Variants in TLK1 observed in about 807,000 individuals in gnomAD.
TLK1 encodes tousled like kinase 1, also known as serine/threonine-protein kinase tousled-like 1.
TLK1 carries 24 observed loss-of-function variants against 105.3 expected under a neutral mutation model. That is an observed-to-expected ratio of 0.23 (90% CI 0.17 to 0.32). The LOEUF (loss-of-function observed/expected upper bound fraction) is 0.32, where lower values mean the gene tolerates loss of function less well. Among genes scored for constraint, TLK1 ranks in the 10% least tolerant of loss-of-function variants. TLK1 has a pLI of 1.00. For synonymous variants in TLK1, 321 were observed against 310.4 expected (o/e 1.03, Z -0.36); for missense variants, 558 against 910.5 (o/e 0.61, Z 4.98).
chr2:171,115,452 C>T (rs993794218), intron 2 of TLK1, among the ~76,000 whole-genome samples: 4 of 152,020 alleles, frequency 2.6e-5, no homozygotes, highest in Non-Finnish European at 4.4e-5. Flanking sequence ...GGATTACAGG[C>T]GTGAGCAACC....
intron 1 of TLK1, among the ~76,000 whole-genome samples, chr2:171,213,869 C>T (rs1693664695): frequency 6.8e-6 from 1 of 147,792 alleles, no homozygotes; most frequent in South Asian, 2.2e-4. Context: ...ACTACAGGCA[C>T]ATGCCACCAT....
chr2:171,221,928 G>A (rs1246997837), intron 1 of TLK1, among the ~76,000 whole-genome samples: 1 of 152,284 alleles, frequency 6.6e-6, no homozygotes, highest in South Asian at 2.1e-4. Flanking sequence ...GGGGGGTTAG[G>A]GCGTCAGCAT....
chr2:171,211,805 C>T (rs907291128), intron 1 of TLK1, among the ~76,000 whole-genome samples: 10 of 151,620 alleles, frequency 6.6e-5, no homozygotes, highest in African/African-American at 2.4e-4. Context: ...GCCTCGGCCT[C>T]CCAAAGTGCT....
At chr2:171,085,458 T>C (rs1217317797) in intron 2 of TLK1, among the ~76,000 whole-genome samples, 2 of 152,110 alleles carry the variant, frequency 1.3e-5, no homozygotes, top group African/African-American at 4.8e-5. Flanking sequence ...CAGTTGTTGT[T>C]TTTTAAATGT....
intron 1 of TLK1, among the ~76,000 whole-genome samples, chr2:171,214,558 T>G (rs1483528467): frequency 6.6e-6 from 1 of 152,202 alleles, no homozygotes; most frequent in Non-Finnish European, 1.5e-5. Flanking sequence ...AGAGTCGCCT[T>G]GAGGGCTTGT....
At chr2:171,031,347 A>C (rs982584804) in intron 11 of TLK1, among the ~76,000 whole-genome samples, 4 of 152,252 alleles carry the variant, frequency 2.6e-5, no homozygotes, top group African/African-American at 9.6e-5. Context: ...TTAAAGAAAC[A>C]GGATTTTAGA....
rs1457249327 is a variant in TLK1, at chr2:171,061,176, A to G, written c.331-20T>C. On this transcript the variant is annotated intron_variant, in intron 3 of 20. Coordinates refer to ENST00000431350, the MANE Select transcript of TLK1 (RefSeq NM_012290.5). ...CGGTGTCTACAGAAAACAAGATAAC[A>G]GATTTTTAAATGACAGTTTTAATAT... The G allele has an allele frequency of 1.2e-6, 2 of 1,610,504 alleles. No individual in the cohort carries two copies. Among genetic ancestry groups the G allele is most frequent in the Non-Finnish European group, 8.5e-7 (1 of 1,178,258 alleles).
chr2:171,165,777 G>GA (rs1356408381), upstream of TLK1, among the ~76,000 whole-genome samples: 3 of 152,182 alleles, frequency 2.0e-5, no homozygotes, highest in African/African-American at 7.2e-5. Flanking sequence ...CAGGCATGGT[G>GA]GCGCACACCT....
chr2:171,090,542 C>T (rs897587072), intron 2 of TLK1, among the ~76,000 whole-genome samples: 1 of 152,154 alleles, frequency 6.6e-6, no homozygotes, highest in Non-Finnish European at 1.5e-5. Context: ...AACTACTTAT[C>T]GCCTATGCTA....
chr2:171,074,065 A>G (rs1688387027), intron 3 of TLK1, among the ~76,000 whole-genome samples: 1 of 151,702 alleles, frequency 6.6e-6, no homozygotes, highest in South Asian at 2.1e-4. Context: ...TAATTTTTGT[A>G]TTTTTAGTAG....
At chr2:171,162,665 TTCC>T (rs1394496467), upstream of TLK1, among the ~76,000 whole-genome samples, 3 of 152,250 alleles carry the variant, frequency 2.0e-5, no homozygotes, top group African/African-American at 7.2e-5. Context: ...CTCTTTGTGG[TTCC>T]TCCTCCACAC....
At chr2:171,018,172 G>A (rs926695888) in intron 12 of TLK1, among the ~76,000 whole-genome samples, 1 of 152,146 alleles carries the variant, frequency 6.6e-6, no homozygotes, top group Admixed American at 6.5e-5. Context: ...TGAGAAGAAA[G>A]GTTCCCCCAC....
intron 3 of TLK1, among the ~76,000 whole-genome samples, chr2:171,080,032 A>T (rs34143031): frequency 0.21 from 31,370 of 151,152 alleles, 3,824 homozygotes; most frequent in Non-Finnish European, 0.28. Flanking sequence ...ATTTTTTTTA[A>T]AAAAAAAGTA....
chr2:171,038,772 A>G (rs571235005), intron 11 of TLK1, among the ~76,000 whole-genome samples: 27 of 152,262 alleles, frequency 1.8e-4, no homozygotes, highest in African/African-American at 6.0e-4. Context: ...TTTATAGTCA[A>G]TATTTTTAAA....
At chr2:171,103,909 G>C (rs1460436962) in intron 2 of TLK1, among the ~76,000 whole-genome samples, 3 of 152,126 alleles carry the variant, frequency 2.0e-5, no homozygotes, top group East Asian at 1.9e-4. Context: ...GATAAATTCA[G>C]TAAAGGTGCA....
chr2:171,220,065 T>C (rs1244828456), intron 1 of TLK1, among the ~76,000 whole-genome samples: 2 of 152,204 alleles, frequency 1.3e-5, no homozygotes, highest in Admixed American at 6.5e-5. Context: ...TGTACTCTTT[T>C]TGAAAGACTC....
chr2:171,111,563 C>T lies in TLK1; in HGVS notation c.258+6176G>A, dbSNP rs187484257. 4.5e-3 allele frequency among the ~76,000 whole-genome samples: 660 copies of T among 146,686 alleles called. 4 individuals carry two copies. Among genetic ancestry groups the T allele is most frequent in the Non-Finnish European group, 7.5e-3 (503 of 67,302 alleles). On this transcript the variant is annotated intron_variant, in intron 2 of 20. Coordinates refer to ENST00000431350, the MANE Select transcript of TLK1 (RefSeq NM_012290.5). Reference sequence around the variant, plus strand: ...TCACACCCCTGCACTCCAGCCTGGGCGACAAAGTGAGATCCTGTATTCAAA... The same window carrying T: ...TCACACCCCTGCACTCCAGCCTGGGTGACAAAGTGAGATCCTGTATTCAAA...
At chr2:171,150,838 GTGT>G (rs1283141062) in intron 1 of TLK1, among the ~76,000 whole-genome samples, 4 of 152,126 alleles carry the variant, frequency 2.6e-5, no homozygotes, top group Non-Finnish European at 5.9e-5. Flanking sequence ...TAACAAAGTC[GTGT>G]TGTTATTACG....
intron 1 of TLK1, among the ~76,000 whole-genome samples, chr2:171,131,513 T>C (rs1346894441): frequency 6.6e-6 from 1 of 152,222 alleles, no homozygotes; most frequent in African/African-American, 2.4e-5. Context: ...ACCATAGTTT[T>C]CCAGCAAACA....
Sources: allele counts gnomAD v4.1 joint callset (sites outside exome capture counted in the v4.1 genomes callset), GRCh38; gene constraint gnomAD v4.1.1; transcripts MANE v1.5; gene names NCBI Gene and HGNC (gene_info 2026-07-23, HGNC 2026-07-21).